The following GRIN2A variants were observed in gnomAD, a reference collection of about 807,000 sequenced individuals.
GRIN2A encodes glutamate ionotropic receptor NMDA type subunit 2A.
In GRIN2A, 22 loss-of-function variants were observed where a neutral mutation model predicts 113.4. The observed-to-expected ratio is 0.19, with a 90% CI of 0.14 to 0.28. The LOEUF (loss-of-function observed/expected upper bound fraction) is 0.28. Among genes scored for constraint, GRIN2A ranks in the 10% least tolerant of loss-of-function variants. GRIN2A has a pLI of 1.00. For missense variants in GRIN2A, 1,502 were observed against 1,887.0 expected (o/e 0.80, Z 3.78); for synonymous variants, 827 against 738.4 (o/e 1.12, Z -1.94).
chr16:9,772,800 C>G (rs141718303), intron 11 of GRIN2A, among the ~76,000 whole-genome samples: 2 of 151,838 alleles, frequency 1.3e-5, no homozygotes, highest in African/African-American at 4.8e-5. Context: ...GGAGGGCAGT[C>G]TGATATAAGA....
intron 2 of GRIN2A, among the ~76,000 whole-genome samples, chr16:9,945,359 G>A (rs1360612935): frequency 9.2e-5 from 14 of 152,010 alleles, no homozygotes; most frequent in Admixed American, 8.5e-4. Context: ...CATTCCAGCA[G>A]AAGACACATA....
chr16:10,155,959 A>G (rs1472011696), intron 2 of GRIN2A, among the ~76,000 whole-genome samples: 1 of 152,224 alleles, frequency 6.6e-6, no homozygotes, highest in African/African-American at 2.4e-5. Flanking sequence ...GCCAAACCAT[A>G]TCAAGTTCAA....
intron 2 of GRIN2A, among the ~76,000 whole-genome samples, chr16:10,067,537 A>G (rs2047672512): frequency 6.6e-6 from 1 of 152,248 alleles, no homozygotes; most frequent in Admixed American, 6.5e-5. Flanking sequence ...GTGTATTGCA[A>G]CACTCGGAAC....
chr16:10,139,974 C>T (rs767474295), intron 2 of GRIN2A, among the ~76,000 whole-genome samples: 11 of 152,060 alleles, frequency 7.2e-5, no homozygotes, highest in Non-Finnish European at 1.5e-4. Context: ...ATTACAGGCA[C>T]CTGAGATCCA....
At chr16:9,947,784 A>AT (rs138992752) in intron 2 of GRIN2A, among the ~76,000 whole-genome samples, 215 of 145,204 alleles carry the variant, frequency 1.5e-3, no homozygotes, top group African/African-American at 1.8e-3. Flanking sequence ...CCATTTTCTC[A>AT]TTTTTTTTTT....
chr16:10,101,613 C>A (rs943748160), intron 2 of GRIN2A, among the ~76,000 whole-genome samples: 1 of 152,178 alleles, frequency 6.6e-6, no homozygotes, highest in Non-Finnish European at 1.5e-5. Context: ...CTGGCCAACA[C>A]CTCTCAATCC....
intron 2 of GRIN2A, among the ~76,000 whole-genome samples, chr16:9,989,833 G>A (rs910981063): frequency 2.0e-5 from 3 of 152,128 alleles, no homozygotes; most frequent in Non-Finnish European, 4.4e-5. Context: ...ACTACAGTGA[G>A]ATACCATCTC....
Position 10,079,902 on chromosome 16 carries a change from G to C in GRIN2A, c.414+100096C>G, listed in dbSNP as rs529506457. On this transcript the variant is annotated intron_variant, in intron 2 of 12. Transcript: ENST00000330684. ...GTGATTTTTATGTGTTTGTATCAGAGAACCCTGGGTGCAATTCCTGTATGA... is the reference window on the plus strand; with the variant it reads ...GTGATTTTTATGTGTTTGTATCAGACAACCCTGGGTGCAATTCCTGTATGA... 3.3e-5 allele frequency among the ~76,000 whole-genome samples: 5 copies of C among 152,312 alleles called. No homozygotes were observed. The South Asian group carries it at 1.0e-3, about 32-fold the overall frequency.
intron 2 of GRIN2A, among the ~76,000 whole-genome samples, chr16:10,137,893 T>C (rs548276160): frequency 6.6e-6 from 1 of 152,336 alleles, no homozygotes; most frequent in East Asian, 1.9e-4. Context: ...CATAAACTCC[T>C]AGATACTGAA....
At chr16:10,059,354 C>T (rs1488469602) in intron 2 of GRIN2A, among the ~76,000 whole-genome samples, 1 of 146,322 alleles carries the variant, frequency 6.8e-6, no homozygotes, top group Non-Finnish European at 1.5e-5. Context: ...TAGAAGAGAC[C>T]AGTTTAGAGG....
Position 10,073,909 on chromosome 16 carries a change from G to A in GRIN2A, c.414+106089C>T, listed in dbSNP as rs183315975. Among the ~76,000 whole-genome samples, 466 of 109,056 alleles carry A rather than the reference G, an allele frequency of 4.3e-3. 1 individual carries two copies. The highest frequency in any genetic ancestry group is 0.015 in the African/African-American group (448 of 29,198). The allele number at this position is 109,056 out of a possible 152,430, so 71.5% of individuals were successfully genotyped here. A position where few individuals can be genotyped will look rare whatever the true frequency, so the allele number is the denominator to read the frequency against. ...CACTCCAATCTGTGTGACAGAGTGA[G>A]ACCCCCGTCACAAAAAAAAAAAAAA... On this transcript the variant is annotated intron_variant, in intron 2 of 12. Coordinates refer to ENST00000330684, the MANE Select transcript of GRIN2A (RefSeq NM_001134407.3).
chr16:10,139,340 G>A (rs2049274204), intron 2 of GRIN2A, among the ~76,000 whole-genome samples: 1 of 152,214 alleles, frequency 6.6e-6, no homozygotes, highest in Admixed American at 6.5e-5. Context: ...GCAGGGAGAG[G>A]AGAGGGAAAT....
At chr16:10,064,783 G>A (rs2047615527) in intron 2 of GRIN2A, among the ~76,000 whole-genome samples, 1 of 152,254 alleles carries the variant, frequency 6.6e-6, no homozygotes, top group Middle Eastern at 3.4e-3. Context: ...TCAGTGAAAT[G>A]CAAATTACTG....
chr16:10,013,956 C>G (rs967538828), intron 2 of GRIN2A, among the ~76,000 whole-genome samples: 1 of 152,228 alleles, frequency 6.6e-6, no homozygotes, highest in African/African-American at 2.4e-5. Context: ...AGCTACCAGT[C>G]TGGGTCAAGC....
At position 10,156,516 on chromosome 16, in the gene GRIN2A, A is replaced by G. The variant is rs898493237; in HGVS notation, c.414+23482T>C. On this transcript the variant is annotated intron_variant, in intron 2 of 12. Coordinates refer to ENST00000330684, the MANE Select transcript of GRIN2A (RefSeq NM_001134407.3). Reference sequence around the variant, plus strand: ...ACAGATTTGCTCTTTCAACCCACGTATACTGGGCACTGAGGGGAGGAAGAT... The same window carrying G: ...ACAGATTTGCTCTTTCAACCCACGTGTACTGGGCACTGAGGGGAGGAAGAT... Among the ~76,000 whole-genome samples the G allele has an allele frequency of 6.6e-5, 10 of 152,188 alleles. No homozygotes were observed. The East Asian group carries it at 1.9e-3, about 29-fold the overall frequency.
In GRIN2A at chr16:9,942,569, C is replaced by T. The variant is rs148123290; in HGVS notation, c.415-4018G>A. Among the ~76,000 whole-genome samples, 6 of 152,282 alleles carry T rather than the reference C, an allele frequency of 3.9e-5. No individual in the cohort carries two copies. The East Asian group carries it at 1.2e-3, about 29-fold the overall frequency. On this transcript the variant is annotated intron_variant, in intron 2 of 12. Transcript: ENST00000330684. Reference sequence around the variant, plus strand: ...GTTTGGGTGCTTGTCTCCACATCCTCGGTCCTACAGACCACACAGACATCG... The same window carrying T: ...GTTTGGGTGCTTGTCTCCACATCCTTGGTCCTACAGACCACACAGACATCG...
Position 9,764,863 on chromosome 16 carries a change from A to C in GRIN2A, c.2681T>G (p.Met894Arg), listed in dbSNP as rs775144380. 1 of 1,614,164 alleles carries C rather than the reference A, an allele frequency of 6.2e-7. No individual in the cohort carries two copies. The highest frequency in any genetic ancestry group is 1.7e-5 in the Admixed American group (1 of 60,024). The change falls in exon 13 of 13, where the codon ATG becomes AGG. Residue 894 changes from methionine to arginine, a missense_variant. This residue lies in a region of GRIN2A where 832 missense variants were observed against 789.7 expected (regional missense o/e 1.05). Coordinates refer to ENST00000330684, the MANE Select transcript of GRIN2A (RefSeq NM_001134407.3). ...DFNLTGSQSN[M>R]LKLLRSAKNI... Reference sequence around the variant, plus strand: ...TTTGGCTGACCGGAGGAGTTTTAACATGTTGCTCTGGGATCCCGTCAGATT... The same window carrying C: ...TTTGGCTGACCGGAGGAGTTTTAACCTGTTGCTCTGGGATCCCGTCAGATT...
intron 2 of GRIN2A, among the ~76,000 whole-genome samples, chr16:10,154,035 C>A (rs146374432): frequency 2.6e-5 from 4 of 152,298 alleles, no homozygotes; most frequent in Middle Eastern, 3.4e-3. Context: ...ATGCTGTCCA[C>A]CCCACAGTCC....
chr16:10,026,935 G>A (rs1289853323), intron 2 of GRIN2A, among the ~76,000 whole-genome samples: 1 of 152,160 alleles, frequency 6.6e-6, no homozygotes, highest in Non-Finnish European at 1.5e-5. Flanking sequence ...CTGTTCTCAA[G>A]TGGACCCTCC....
Sources: gnomAD v4.1 joint callset for allele counts (sites outside exome capture counted in the v4.1 genomes callset) on GRCh38, gnomAD v4.1.1 for gene constraint, gnomAD v4.1.1 regional missense constraint, MANE v1.5 for transcripts, NCBI Gene and HGNC (gene_info 2026-07-23, HGNC 2026-07-21) for gene names.